Variants in IQGAP1 observed in about 807,000 individuals in gnomAD.
IQGAP1 encodes ras GTPase-activating-like protein IQGAP1.
In IQGAP1, 66 loss-of-function variants were observed where a neutral mutation model predicts 215.6. That is an observed-to-expected ratio of 0.31 (90% CI 0.25 to 0.38). The LOEUF (loss-of-function observed/expected upper bound fraction) is 0.38. IQGAP1 is among the 10% of genes least tolerant of loss of function. IQGAP1 has a pLI of 1.00. For missense variants in IQGAP1, 1,712 were observed against 1,997.1 expected (o/e 0.86, Z 2.72); for synonymous variants, 772 against 728.7 (o/e 1.06, Z -0.96).
At chr15:90,455,457 C>G (rs1965665336) in intron 14 of IQGAP1, among the ~76,000 whole-genome samples, 1 of 152,156 alleles carries the variant, frequency 6.6e-6, no homozygotes, top group Admixed American at 6.5e-5. Flanking sequence ...ATCACAGAAA[C>G]ATACCTATCA....
At chr15:90,487,805 G>A (rs1388862073) in intron 33 of IQGAP1, among the ~76,000 whole-genome samples, 1 of 152,124 alleles carries the variant, frequency 6.6e-6, no homozygotes, top group Non-Finnish European at 1.5e-5. Flanking sequence ...CTTGCATGCA[G>A]AATCATTGTG....
At chr15:90,490,841 C>T (rs951171898) in intron 33 of IQGAP1, among the ~76,000 whole-genome samples, 1 of 152,150 alleles carries the variant, frequency 6.6e-6, no homozygotes, top group Non-Finnish European at 1.5e-5. Context: ...CGGAGTCTCG[C>T]TCTGTCGCCC....
rs773503651 is a variant in IQGAP1 at position 90,441,697 on chromosome 15, C to T, written c.828+13C>T. 1.3e-5 allele frequency: 20 copies of T among 1,556,100 alleles called. No homozygotes were observed. The highest frequency in any genetic ancestry group is 1.7e-5 in the Non-Finnish European group (19 of 1,137,884). On this transcript the variant is annotated intron_variant, in intron 8 of 37. Coordinates refer to ENST00000268182, the MANE Select transcript of IQGAP1 (RefSeq NM_003870.4). ...TGCTAAAAACAGGGTAAAAATGCAA[C>T]ATCTATTCTTTCTAATTAATTTATA...
chr15:90,487,209 T>A, intron 32 of IQGAP1, 120 bp downstream of exon 32: 1 of 954,300 alleles, frequency 1.0e-6, no homozygotes, highest in Non-Finnish European at 1.6e-6. Flanking sequence ...CTTGTCATAA[T>A]CCCAGTCACC....
intron 4 of IQGAP1, among the ~76,000 whole-genome samples, chr15:90,432,052 A>G (rs1965310610): frequency 6.6e-6 from 1 of 152,166 alleles, no homozygotes; most frequent in Non-Finnish European, 1.5e-5. Context: ...TCCTTGTTAG[A>G]TACATTTTCC....
At chr15:90,451,301 G>A (rs1030318202) in intron 11 of IQGAP1, among the ~76,000 whole-genome samples, 4 of 152,186 alleles carry the variant, frequency 2.6e-5, no homozygotes, top group Non-Finnish European at 5.9e-5. Context: ...TCTGCAGGCT[G>A]TGCAAGAAGC....
intron 2 of IQGAP1, among the ~76,000 whole-genome samples, chr15:90,414,327 A>G (rs1002750562): frequency 6.6e-6 from 1 of 152,124 alleles, no homozygotes; most frequent in African/African-American, 2.4e-5. Context: ...TCCATTATAA[A>G]AAAAGTAATA....
chr15:90,473,144 G>A, intron 19 of IQGAP1, 134 bp downstream of exon 19: 1 of 780,150 alleles, frequency 1.3e-6, no homozygotes, highest in Non-Finnish European at 2.1e-6. Context: ...CCTTTGACAG[G>A]TACCTCCTCT....
rs58482365 is a variant in IQGAP1, at chr15:90,499,960, A to ATGTTTTGTTT, written c.4861-15_4861-6dup. 975 of 1,168,182 alleles carry ATGTTTTGTTT rather than the reference A, an allele frequency of 8.3e-4. 3 individuals carry two copies. Among genetic ancestry groups the ATGTTTTGTTT allele is most frequent in the South Asian group, 3.1e-3 (255 of 81,798 alleles). 72.4% of individuals were successfully genotyped at this position (1,168,182 alleles called of 1,614,324 possible). On this transcript the variant is annotated intron_variant, in intron 37 of 37. Transcript: ENST00000268182. ...TCCACAGACTTGATTAACTGTCAAA[A>ATGTTTTGTTT]TGTTTTGTTTTGTTTTGTTTTGTTT...
At chr15:90,488,349 A>G in intron 33 of IQGAP1, among the ~76,000 whole-genome samples, 1 of 152,190 alleles carries the variant, frequency 6.6e-6, no homozygotes, top group Middle Eastern at 3.2e-3. Context: ...TACAATATAA[A>G]TGCTGTGTAA....
At chr15:90,453,740 A>G (rs1027428851) in intron 13 of IQGAP1, among the ~76,000 whole-genome samples, 5 of 152,182 alleles carry the variant, frequency 3.3e-5, no homozygotes, top group African/African-American at 1.2e-4. Context: ...GATGGGACCA[A>G]TTGCCTATTT....
At chr15:90,484,439 T>A in intron 30 of IQGAP1, 87 bp downstream of exon 30, 1 of 1,050,386 alleles carries the variant, frequency 9.5e-7, no homozygotes, top group Non-Finnish European at 1.4e-6. Context: ...GCCAGGTGTC[T>A]AACCTTCCTG....
At chr15:90,487,322 T>G (rs1244393175) in intron 32 of IQGAP1, 173 bp from the exon 33 acceptor site, 1 of 658,812 alleles carries the variant, frequency 1.5e-6, no homozygotes, top group Non-Finnish European at 2.7e-6. Flanking sequence ...TCGTACCTAC[T>G]TATGGAATGG....
At chr15:90,453,513 A>G (rs533494381) in intron 13 of IQGAP1, among the ~76,000 whole-genome samples, 8 of 152,344 alleles carry the variant, frequency 5.3e-5, no homozygotes, top group African/African-American at 1.9e-4. Context: ...AGTCAAAATA[A>G]CACTATCTCT....
At chr15:90,426,515 A>C (rs1965225097) in intron 3 of IQGAP1, among the ~76,000 whole-genome samples, 1 of 138,994 alleles carries the variant, frequency 7.2e-6, no homozygotes, top group Non-Finnish European at 1.6e-5. Flanking sequence ...CCCACAAAAA[A>C]ATATGTACTA....
Position 90,481,758 on chromosome 15 carries a change from G to T in IQGAP1, c.3330-202G>T, listed in dbSNP as rs374754575. 1.6e-4 allele frequency among the ~76,000 whole-genome samples: 24 copies of T among 152,266 alleles called. 2 individuals carry two copies. The East Asian group carries it at 2.3e-3, about 15-fold the overall frequency. On this transcript the variant is annotated intron_variant, in intron 26 of 37. Transcript: ENST00000268182. The stretch of plus-strand genomic sequence containing the variant: ...TTTATTCCCAAGTGCCTGTTATTGT[G>T]CCTGGCACACAATTCAGGCACCTGA...
In IQGAP1 at chr15:90,443,365, A is replaced by T. The variant is rs1333965011; in HGVS notation, c.829-29A>T. ...TGGTCTTCTTAGACACCTTAAGCTA[A>T]CTTAATTACGCTTTTTACTCATCCT... On this transcript the variant is annotated intron_variant, in intron 8 of 37. Transcript: ENST00000268182. 5 of 1,487,740 alleles carry T rather than the reference A, an allele frequency of 3.4e-6. No homozygotes were observed. The African/African-American group carries it at 6.9e-5, about 21-fold the overall frequency. 92.2% of individuals were successfully genotyped at this position (1,487,740 alleles called of 1,614,324 possible).
At chr15:90,397,879 T>TTCTTTTTCTTTTTC (rs766041129) in intron 2 of IQGAP1, 5 of 51,528 alleles carry the variant, frequency 9.7e-5, no homozygotes, top group Non-Finnish European at 1.3e-4. Flanking sequence ...TTCTTTTCTT[T>TTCTTTTTCTTTTTC]TTTTTTTTCT....
intron 36 of IQGAP1, among the ~76,000 whole-genome samples, chr15:90,495,367 T>C (rs1296319153): frequency 6.6e-6 from 1 of 150,620 alleles, no homozygotes; most frequent in Non-Finnish European, 1.5e-5. Flanking sequence ...TCTCTTCTTT[T>C]GTCTGTTTAG....
Sources: allele counts gnomAD v4.1 joint callset (sites outside exome capture counted in the v4.1 genomes callset), GRCh38; gene constraint gnomAD v4.1.1; transcripts MANE v1.5; gene names NCBI Gene and HGNC (gene_info 2026-07-23, HGNC 2026-07-21).